The following PCDH15 variants were observed in gnomAD, a reference collection of about 807,000 sequenced individuals.
The protein encoded by PCDH15 is protocadherin-15.
In PCDH15, 129 loss-of-function variants were observed where a neutral mutation model predicts 178.5. The ratio of observed to expected loss-of-function variants is 0.72; its 90% CI spans 0.63 to 0.84. PCDH15 has a LOEUF of 0.84. Among genes scored for constraint, PCDH15 ranks in the 40% least tolerant of loss-of-function variants. The pLI, the probability that PCDH15 is intolerant of heterozygous loss-of-function variation, is 0.00. For missense variants in PCDH15, 2,230 were observed against 2,099.9 expected (o/e 1.06, Z -1.21); for synonymous variants, 800 against 732.0 (o/e 1.09, Z -1.50).
At position 54,286,700 on chromosome 10, in the gene PCDH15, A is replaced by T. The variant is rs150704422; in HGVS notation, c.876+30571T>A. Among the ~76,000 whole-genome samples, 631 of 152,270 alleles carry T rather than the reference A, an allele frequency of 4.1e-3. 8 individuals are homozygous for T. Among genetic ancestry groups the T allele is most frequent in the African/African-American group, 0.012 (519 of 41,564 alleles). ...GAGTGCGGTAGCACGATCTCAGCTC[A>T]CTGCAACCTCCGCCTCCTGAGTTCA... On this transcript the variant is annotated intron_variant, in intron 8 of 37. Coordinates refer to ENST00000644397, the MANE Select transcript of PCDH15 (RefSeq NM_001384140.1).
chr10:53,932,617 C>A (rs571203430), intron 25 of PCDH15, among the ~76,000 whole-genome samples: 1 of 152,268 alleles, frequency 6.6e-6, no homozygotes, highest in African/African-American at 2.4e-5. Context: ...TCAAGTACAA[C>A]TTTACAACAA....
chr10:53,829,569 G>C (rs1011117666), intron 30 of PCDH15, among the ~76,000 whole-genome samples: 1 of 152,146 alleles, frequency 6.6e-6, no homozygotes, highest in Non-Finnish European at 1.5e-5. Flanking sequence ...AAAACAATTT[G>C]TTCAGTATCA....
At chr10:55,616,275 G>A (rs1309515308) in intron 2 of PCDH15, among the ~76,000 whole-genome samples, 1 of 152,116 alleles carries the variant, frequency 6.6e-6, no homozygotes, top group African/African-American at 2.4e-5. Context: ...CTGATACCAG[G>A]CTGTACCAAT....
intron 3 of PCDH15, among the ~76,000 whole-genome samples, chr10:54,435,961 C>T (rs971947268): frequency 3.4e-5 from 5 of 148,314 alleles, no homozygotes; most frequent in Admixed American, 1.4e-4. Context: ...CAGAGCGAGA[C>T]TCCATCTTAA....
At chr10:55,285,085 T>C (rs1043674771) in intron 1 of PCDH15, among the ~76,000 whole-genome samples, 3 of 151,054 alleles carry the variant, frequency 2.0e-5, no homozygotes, top group South Asian at 2.1e-4. Flanking sequence ...GAGCTTTCCA[T>C]CTATGTTTTC....
At chr10:54,608,054 A>T (rs898271649) in intron 2 of PCDH15, 7 of 439,550 alleles carry the variant, frequency 1.6e-5, no homozygotes, top group Non-Finnish European at 4.3e-6. Flanking sequence ...TTTTAACTTG[A>T]AATACTTTTC....
intron 2 of PCDH15, among the ~76,000 whole-genome samples, chr10:55,503,401 A>G (rs1388509919): frequency 6.7e-6 from 1 of 148,536 alleles, no homozygotes; most frequent in African/African-American, 2.4e-5. Flanking sequence ...TTAAAATTAT[A>G]TTGTATTAAT....
intron 7 of PCDH15, among the ~76,000 whole-genome samples, chr10:54,322,126 C>T (rs1022429270): frequency 6.6e-6 from 1 of 151,910 alleles, no homozygotes; most frequent in Non-Finnish European, 1.5e-5. Context: ...ACAACCTACA[C>T]TTTTGATCTT....
chr10:54,294,089 C>A (rs940891014), intron 8 of PCDH15, among the ~76,000 whole-genome samples: 1 of 152,022 alleles, frequency 6.6e-6, no homozygotes, highest in South Asian at 2.1e-4. Flanking sequence ...CAATGATAGA[C>A]TGGATAAAGA....
At chr10:54,291,460 A>C (rs1420580437) in intron 8 of PCDH15, among the ~76,000 whole-genome samples, 2 of 152,214 alleles carry the variant, frequency 1.3e-5, no homozygotes, top group East Asian at 3.8e-4. Context: ...GAAGGCAAGA[A>C]ATAAGTAATA....
chr10:55,195,771 TATTC>T (rs761685119), intron 1 of PCDH15, among the ~76,000 whole-genome samples: 2 of 151,894 alleles, frequency 1.3e-5, no homozygotes, highest in Non-Finnish European at 2.9e-5. Flanking sequence ...ATTGTGGAAA[TATTC>T]ATGAATGTCA....
intron 9 of PCDH15, among the ~76,000 whole-genome samples, chr10:54,227,000 T>A (rs922580445): frequency 6.6e-6 from 1 of 152,296 alleles, no homozygotes; most frequent in African/African-American, 2.4e-5. Context: ...TGTAGCCCCC[T>A]CCTGGCTGCT....
chr10:54,459,979 GTATAT>G (rs1486703076), intron 3 of PCDH15, among the ~76,000 whole-genome samples: 2 of 152,036 alleles, frequency 1.3e-5, no homozygotes, highest in Non-Finnish European at 2.9e-5. Context: ...TACTTTAAAT[GTATAT>G]TATAAGCCTG....
intron 1 of PCDH15, among the ~76,000 whole-genome samples, chr10:55,277,925 G>C (rs867847078): frequency 5.3e-5 from 8 of 152,018 alleles, no homozygotes; most frequent in Non-Finnish European, 8.8e-5. Flanking sequence ...CAATGTCTCA[G>C]GTTTTGTTTA....
chr10:54,768,498 A>G (rs1025418109), intron 1 of PCDH15, among the ~76,000 whole-genome samples: 7 of 152,142 alleles, frequency 4.6e-5, no homozygotes, highest in African/African-American at 1.7e-4. Flanking sequence ...ATCATATTCT[A>G]TGTAGTTCAT....
intron 3 of PCDH15, among the ~76,000 whole-genome samples, chr10:54,396,854 T>G (rs556505609): frequency 6.0e-4 from 91 of 152,138 alleles, no homozygotes; most frequent in Non-Finnish European, 1.1e-3. Context: ...AGTATGGATA[T>G]GATAAGCCTT....
chr10:55,547,408 G>A (rs1841907993), intron 2 of PCDH15, among the ~76,000 whole-genome samples: 3 of 152,102 alleles, frequency 2.0e-5, no homozygotes, highest in Admixed American at 2.0e-4. Flanking sequence ...TTCTGACATG[G>A]CATATTGGAT....
chr10:54,420,295 A>G (rs755246314), intron 3 of PCDH15, among the ~76,000 whole-genome samples: 1 of 152,070 alleles, frequency 6.6e-6, no homozygotes, highest in Non-Finnish European at 1.5e-5. Context: ...CTTGTATTTT[A>G]CTTCATGAGA....
chr10:54,043,535 G>C (rs2093594598), intron 18 of PCDH15, among the ~76,000 whole-genome samples: 2 of 151,848 alleles, frequency 1.3e-5, no homozygotes, highest in Non-Finnish European at 2.9e-5. Context: ...CTACAGGTAT[G>C]CACCAACATG....
Sources: gnomAD v4.1 joint callset for allele counts (sites outside exome capture counted in the v4.1 genomes callset) on GRCh38, gnomAD v4.1.1 for gene constraint, MANE v1.5 for transcripts, NCBI Gene and HGNC (gene_info 2026-07-23, HGNC 2026-07-21) for gene names.